The following GRID2 variants were observed in gnomAD, a reference collection of about 807,000 sequenced individuals.
GRID2 encodes glutamate ionotropic receptor delta type subunit 2.
In GRID2, 33 loss-of-function variants were observed where a neutral mutation model predicts 114.8. That is an observed-to-expected ratio of 0.29 (90% CI 0.22 to 0.38). The LOEUF (loss-of-function observed/expected upper bound fraction) is 0.38, where lower values mean the gene tolerates loss of function less well. Among genes scored for constraint, GRID2 ranks in the 10% least tolerant of loss-of-function variants. GRID2 has a pLI of 1.00. For missense variants in GRID2, 1,184 were observed against 1,257.7 expected (o/e 0.94, Z 0.89); for synonymous variants, 505 against 449.9 (o/e 1.12, Z -1.55).
chr4:92,887,417 G>A (rs1042645453), intron 2 of GRID2, among the ~76,000 whole-genome samples: 1 of 152,180 alleles, frequency 6.6e-6, no homozygotes, highest in Non-Finnish European at 1.5e-5. Context: ...AGAAGTAGCA[G>A]CAGGTCAGAG....
At chr4:93,324,002 A>C (rs1398732112) in intron 8 of GRID2, among the ~76,000 whole-genome samples, 1 of 152,148 alleles carries the variant, frequency 6.6e-6, no homozygotes, top group African/African-American at 2.4e-5. Context: ...AACAGGGACA[A>C]TTTGACTTCC....
intron 11 of GRID2, among the ~76,000 whole-genome samples, chr4:93,476,953 T>TGG (rs1475547057): frequency 1.3e-5 from 2 of 152,274 alleles, no homozygotes; most frequent in East Asian, 3.9e-4. Flanking sequence ...GGAAGACATG[T>TGG]GGCAGACTGG....
Position 93,077,559 on chromosome 4 carries a change from A to G in GRID2, c.245-7436A>G, listed in dbSNP as rs72885779. 7.4e-3 allele frequency among the ~76,000 whole-genome samples: 1,134 copies of G among 152,330 alleles called. 21 individuals are homozygous for G. The highest frequency in any genetic ancestry group is 0.026 in the African/African-American group (1,081 of 41,578). On this transcript the variant is annotated intron_variant, in intron 2 of 15. Coordinates refer to ENST00000282020, the MANE Select transcript of GRID2 (RefSeq NM_001510.4). ...CTATAAAATGATTAAAAAGTTTTAAAGACAGACATATAATATGATCTGATT... is the reference window on the plus strand; with the variant it reads ...CTATAAAATGATTAAAAAGTTTTAAGGACAGACATATAATATGATCTGATT...
chr4:92,600,070 A>ATT (rs1729151882), intron 2 of GRID2, among the ~76,000 whole-genome samples: 3 of 133,540 alleles, frequency 2.2e-5, no homozygotes, highest in Admixed American at 2.2e-4. Context: ...ATATATATAT[A>ATT]TATATATATA....
At chr4:93,207,584 G>C in intron 5 of GRID2, 127 bp downstream of exon 5, 1 of 633,232 alleles carries the variant, frequency 1.6e-6, no homozygotes. Context: ...CTTACTGAGT[G>C]AATGCTGTTT....
At chr4:92,502,718 T>C (rs1301158339) in intron 1 of GRID2, among the ~76,000 whole-genome samples, 2 of 139,870 alleles carry the variant, frequency 1.4e-5, no homozygotes, top group Non-Finnish European at 3.1e-5. Flanking sequence ...TTTTTTTTTT[T>C]TTTTTTTTTT....
intron 13 of GRID2, among the ~76,000 whole-genome samples, chr4:93,547,631 G>A (rs1020513841): frequency 6.6e-6 from 1 of 152,124 alleles, no homozygotes; most frequent in Non-Finnish European, 1.5e-5. Flanking sequence ...ACACAGTTAT[G>A]CATTAAGTAC....
At chr4:92,330,186 G>T (rs1355075154) in intron 1 of GRID2, among the ~76,000 whole-genome samples, 5 of 152,072 alleles carry the variant, frequency 3.3e-5, no homozygotes, top group Non-Finnish European at 5.9e-5. Flanking sequence ...ATGTCATAGA[G>T]TCTCACCATT....
chr4:92,557,834 G>T (rs2149179151), intron 1 of GRID2, among the ~76,000 whole-genome samples: 1 of 152,206 alleles, frequency 6.6e-6, no homozygotes, highest in South Asian at 2.1e-4. Flanking sequence ...CACCTAAGTA[G>T]CTGAAGTAAA....
downstream of GRID2, among the ~76,000 whole-genome samples, chr4:93,776,479 T>C (rs1734372371): frequency 6.6e-6 from 1 of 152,212 alleles, no homozygotes; most frequent in Non-Finnish European, 1.5e-5. Context: ...TGAAAGCCAT[T>C]GTGCTAAACA....
Position 93,216,059 on chromosome 4 carries a change from T to C in GRID2, c.790-679T>C, listed in dbSNP as rs1339572810. On this transcript the variant is annotated intron_variant, in intron 5 of 15. Transcript: ENST00000282020. ...TAGATAAAATTTGTTTAGATAAAAT[T>C]AATTTAGATAAAGAGCACTGGGTTT... 2.6e-5 allele frequency among the ~76,000 whole-genome samples: 4 copies of C among 152,244 alleles called. No homozygotes were observed. In the East Asian group the frequency reaches 7.7e-4, roughly 29 times the overall value.
chr4:93,591,098 T>A (rs1295075153), intron 13 of GRID2, among the ~76,000 whole-genome samples: 1 of 145,582 alleles, frequency 6.9e-6, no homozygotes, highest in African/African-American at 2.5e-5. Context: ...CTATGTTGAA[T>A]AGGAGTGGTG....
chr4:92,313,407 G>A (rs1027430182), intron 1 of GRID2, among the ~76,000 whole-genome samples: 7 of 151,750 alleles, frequency 4.6e-5, no homozygotes, highest in Admixed American at 2.0e-4. Context: ...AGGTTCTCAC[G>A]AATCTCCCCT....
intron 1 of GRID2, among the ~76,000 whole-genome samples, chr4:92,360,198 A>G (rs1449405782): frequency 6.6e-6 from 1 of 151,974 alleles, no homozygotes; most frequent in African/African-American, 2.4e-5. Flanking sequence ...ATGCAGTTCC[A>G]CAATCTTTAT....
At chr4:93,277,174 T>G (rs1752146093) in intron 8 of GRID2, among the ~76,000 whole-genome samples, 1 of 151,932 alleles carries the variant, frequency 6.6e-6, no homozygotes, top group South Asian at 2.1e-4. Flanking sequence ...AGAAAGAAAC[T>G]TATTGTATTT....
intron 2 of GRID2, among the ~76,000 whole-genome samples, chr4:92,900,665 C>T (rs1421859460): frequency 3.9e-5 from 6 of 151,942 alleles, no homozygotes; most frequent in Non-Finnish European, 7.4e-5. Flanking sequence ...CCTATCTCTA[C>T]TAAAAATACA....
chr4:92,431,326 T>C (rs1178505169), intron 1 of GRID2, among the ~76,000 whole-genome samples: 4 of 152,176 alleles, frequency 2.6e-5, no homozygotes, highest in Non-Finnish European at 4.4e-5. Flanking sequence ...GATGTTGAAT[T>C]TTATCAAACA....
At chr4:92,454,379 AT>A (rs1381077401) in intron 1 of GRID2, among the ~76,000 whole-genome samples, 2 of 152,286 alleles carry the variant, frequency 1.3e-5, no homozygotes, top group East Asian at 3.9e-4. Flanking sequence ...CCTTATATAA[AT>A]TTTTTCAACT....
intron 8 of GRID2, among the ~76,000 whole-genome samples, chr4:93,394,387 A>G (rs1030773350): frequency 1.3e-5 from 2 of 151,978 alleles, no homozygotes; most frequent in Non-Finnish European, 2.9e-5. Flanking sequence ...TTATACTGTG[A>G]CATTCCCTTC....
Sources: gnomAD v4.1 joint callset for allele counts (sites outside exome capture counted in the v4.1 genomes callset) on GRCh38, gnomAD v4.1.1 for gene constraint, MANE v1.5 for transcripts, NCBI Gene and HGNC (gene_info 2026-07-23, HGNC 2026-07-21) for gene names.